The following CRYBG3 variants were observed in gnomAD, a reference collection of about 807,000 sequenced individuals.
CRYBG3 encodes crystallin beta-gamma domain containing 3.
A neutral mutation model predicts 244.2 loss-of-function variants in CRYBG3; 127 were observed. That is an observed-to-expected ratio of 0.52 (90% CI 0.45 to 0.60). The LOEUF is 0.60. CRYBG3 is among the 20% of genes least tolerant of loss of function. The pLI is 0.00. For synonymous variants in CRYBG3, 1,132 were observed against 1,195.8 expected, an observed-to-expected ratio of 0.95 and a Z score of 1.10; for missense variants, 3,325 against 3,442.5, an observed-to-expected ratio of 0.97 and a Z score of 0.85.
chr3:97,832,564 TAACTC>T (rs1268496673), intron 1 of CRYBG3, among the ~76,000 whole-genome samples: 1 of 151,940 alleles, frequency 6.6e-6, no homozygotes, highest in Non-Finnish European at 1.5e-5. Context: ...GTACAAAAAT[TAACTC>T]AAGATGGATT....
In CRYBG3 at chr3:97,873,445, A is replaced by G. The variant is rs1441185397; in HGVS notation, c.2251A>G (p.Ser751Gly). The G allele has an allele frequency of 6.5e-7, 1 of 1,535,320 alleles. No individual in the cohort carries two copies. The highest frequency in any genetic ancestry group is 1.2e-5 in the South Asian group (1 of 83,878). ...CCAGGTTCTTCCAGGTTCTGAAGCC[A>G]GTGGCCCTCACTTAACTGGGTTGGA... Reference protein sequence around the residue: ...KCQVLPGSEASGPHLTGLELL... With the variant: ...KCQVLPGSEAGGPHLTGLELL... Residue 751 changes from serine (S) to glycine (G), a missense_variant, in exon 4 of 22, where the codon AGT becomes GGT. Physicochemically the swap from Ser to Gly is moderately conservative, Grantham distance 56. Coordinates refer to ENST00000389622, the MANE Select transcript of CRYBG3 (RefSeq NM_153605.4).
chr3:97,939,984 C>T (rs1400841377), intron 19 of CRYBG3, among the ~76,000 whole-genome samples: 1 of 152,042 alleles, frequency 6.6e-6, no homozygotes, highest in Non-Finnish European at 1.5e-5. Context: ...CATTGGTTCT[C>T]TTACCATATG....
intron 1 of CRYBG3, among the ~76,000 whole-genome samples, chr3:97,839,039 G>A (rs1403663457): frequency 6.6e-6 from 1 of 152,116 alleles, no homozygotes; most frequent in Non-Finnish European, 1.5e-5. Context: ...CTAAGATGAG[G>A]CTATTTAGAA....
At chr3:97,828,777 A>G (rs2038611533) in intron 1 of CRYBG3, among the ~76,000 whole-genome samples, 3 of 151,086 alleles carry the variant, frequency 2.0e-5, no homozygotes, top group Non-Finnish European at 4.4e-5. Context: ...GCAGTGAGCC[A>G]AGATCGTACC....
intron 3 of CRYBG3, chr3:97,867,011 T>A (rs1379826119): frequency 6.6e-6 from 1 of 152,170 alleles, no homozygotes; most frequent in African/African-American, 2.4e-5. Flanking sequence ...ACTGTCAATA[T>A]GCCTAAGAAT....
chr3:97,910,605 G>T (rs1317439451), intron 15 of CRYBG3, among the ~76,000 whole-genome samples: 1 of 152,160 alleles, frequency 6.6e-6, no homozygotes, highest in Non-Finnish European at 1.5e-5. Context: ...CCCTGCTTCG[G>T]TTCGCGCACG....
intron 17 of CRYBG3, 122 bp downstream of exon 17, chr3:97,915,858 T>A: frequency 1.3e-6 from 1 of 788,200 alleles, no homozygotes. Context: ...CTGAAAAATA[T>A]GAATAATTCA....
At chr3:97,938,475 A>C (rs1224029870) in intron 19 of CRYBG3, among the ~76,000 whole-genome samples, 1 of 152,056 alleles carries the variant, frequency 6.6e-6, no homozygotes, top group Non-Finnish European at 1.5e-5. Flanking sequence ...CTTAAGTGTT[A>C]AATAAATGGT....
At chr3:97,838,880 C>G (rs1472875244) in intron 1 of CRYBG3, among the ~76,000 whole-genome samples, 1 of 151,972 alleles carries the variant, frequency 6.6e-6, no homozygotes. Flanking sequence ...TTGTCTGGCA[C>G]AGAGTCACAC....
intron 2 of CRYBG3, among the ~76,000 whole-genome samples, chr3:97,852,683 G>C (rs938971422): frequency 8.5e-5 from 13 of 152,170 alleles, no homozygotes; most frequent in African/African-American, 2.9e-4. Context: ...CTTTTCTTTA[G>C]ATGTATATTT....
Position 97,877,341 on chromosome 3 carries a change from C to A in CRYBG3, c.6147C>A (p.Val2049=), listed in dbSNP as rs1244713834. Residue 2049 remains valine (V), a synonymous_variant, in exon 4 of 22, where the codon GTC becomes GTA. Transcript: ENST00000389622. ...CERSESRTDL[V]HHFEKGTKLG... ...GGTCTGAGAGTAGAACTGACCTTGT[C>A]CATCACTTTGAAAAAGGTACTAAAT... 6.2e-7 allele frequency: 1 copy of A among 1,613,924 alleles called. No homozygotes were observed. Among genetic ancestry groups the A allele is most frequent in the East Asian group, 2.2e-5 (1 of 44,866 alleles).
intron 7 of CRYBG3, among the ~76,000 whole-genome samples, 193 bp downstream of exon 7, chr3:97,881,412 G>A (rs1431901361): frequency 1.3e-5 from 2 of 152,116 alleles, no homozygotes; most frequent in African/African-American, 4.8e-5. Context: ...CAGAGGTAAT[G>A]TAGTTTATAA....
At chr3:97,928,974 T>C (rs1373476663) in intron 17 of CRYBG3, among the ~76,000 whole-genome samples, 1 of 152,088 alleles carries the variant, frequency 6.6e-6, no homozygotes, top group Non-Finnish European at 1.5e-5. Flanking sequence ...TCTACTGTTA[T>C]TATCACTTAA....
chr3:97,920,887 A>C (rs2108256922), intron 17 of CRYBG3, among the ~76,000 whole-genome samples: 1 of 152,250 alleles, frequency 6.6e-6, no homozygotes, highest in Non-Finnish European at 1.5e-5. Flanking sequence ...GACTAAGTTT[A>C]GAGCCTCATT....
At chr3:97,912,612 A>G (rs1054270463) in intron 16 of CRYBG3, among the ~76,000 whole-genome samples, 1 of 152,204 alleles carries the variant, frequency 6.6e-6, no homozygotes, top group African/African-American at 2.4e-5. Context: ...GTTTTTATTC[A>G]AGTAAGACAT....
Position 97,874,530 on chromosome 3 carries a change from T to C in CRYBG3, c.3336T>C (p.Phe1112=). Residue 1112 remains phenylalanine (F), a synonymous_variant, in exon 4 of 22, where the codon TTT becomes TTC. Coordinates refer to ENST00000389622, the MANE Select transcript of CRYBG3 (RefSeq NM_153605.4). ...ACCCTACTACCTCTTATTTGGAATT[T>C]GAAACGTCTGTCTCAATTGGGACAG... is the stretch of plus-strand genomic sequence containing the variant. The part of the protein sequence containing the change: ...LLYPTTSYLE[F]ETSVSIGTEV... 1 of 1,535,130 alleles carries C rather than the reference T, an allele frequency of 6.5e-7. No individual in the cohort carries two copies. The highest frequency in any genetic ancestry group is 1.4e-5 in the African/African-American group (1 of 73,124).
chr3:97,877,974 G>A lies in CRYBG3; in HGVS notation c.6780G>A (p.Gln2260=), dbSNP rs1215570331. 1 of 1,613,958 alleles carries A rather than the reference G, an allele frequency of 6.2e-7. No individual in the cohort carries two copies. Among genetic ancestry groups the A allele is most frequent in the East Asian group, 2.2e-5 (1 of 44,900 alleles). Residue 2260 remains glutamine (Q), a synonymous_variant, in exon 4 of 22, where the codon CAG becomes CAA. Transcript: ENST00000389622. Reference sequence around the variant, plus strand: ...GAGCCAGATTTGGTGGAATTTTTCAGGAACCAGTGTCAAAATATTTCCGTG... The same window carrying A: ...GAGCCAGATTTGGTGGAATTTTTCAAGAACCAGTGTCAAAATATTTCCGTG... ...EKGARFGGIF[Q]EPVSKYFRVQ...
In CRYBG3 at chr3:97,877,196, T is replaced by C; in HGVS notation, c.6002T>C (p.Ile2001Thr). ...QDEQENSSFT[I>T]LYEEPLQEED... Reference sequence around the variant, plus strand: ...GAACAAGAAAATTCTTCCTTTACTATATTATACGAAGAGCCCCTTCAAGAG... The same window carrying C: ...GAACAAGAAAATTCTTCCTTTACTACATTATACGAAGAGCCCCTTCAAGAG... The change falls in exon 4 of 22, where the codon ATA (isoleucine) becomes ACA (threonine). Residue 2001 changes from isoleucine to threonine, a missense_variant. By Grantham distance (89) the Ile-to-Thr change is moderately conservative. Transcript: ENST00000389622. 1 of 1,613,980 alleles carries C rather than the reference T, an allele frequency of 6.2e-7. No homozygotes were observed. The highest frequency in any genetic ancestry group is 8.5e-7 in the Non-Finnish European group (1 of 1,179,876).
At chr3:97,870,464 G>A (rs569702039) in intron 3 of CRYBG3, among the ~76,000 whole-genome samples, 32 of 152,226 alleles carry the variant, frequency 2.1e-4, no homozygotes, top group African/African-American at 5.5e-4. Context: ...CAAAGGACAC[G>A]ATTTTCTTCT....
Sources: gnomAD v4.1 joint callset for allele counts (sites outside exome capture counted in the v4.1 genomes callset) on GRCh38, gnomAD v4.1.1 for gene constraint, MANE v1.5 for transcripts, NCBI Gene and HGNC (gene_info 2026-07-23, HGNC 2026-07-21) for gene names.